DOCK4: variants seen among roughly 807,000 people sequenced by gnomAD.
DOCK4 encodes dedicator of cytokinesis 4.
In DOCK4, 97 loss-of-function variants were observed where a neutral mutation model predicts 268.1. The ratio of observed to expected loss-of-function variants is 0.36; its 90% CI spans 0.31 to 0.43. The LOEUF (loss-of-function observed/expected upper bound fraction) is 0.43, where lower values mean the gene tolerates loss of function less well. DOCK4 is among the 20% of genes least tolerant of loss of function. DOCK4 has a pLI of 1.00. For missense variants in DOCK4, 2,145 were observed against 2,455.7 expected, an observed-to-expected ratio of 0.87 and a Z score of 2.67; for synonymous variants, 954 against 887.2, an observed-to-expected ratio of 1.08 and a Z score of -1.34.
At chr7:111,879,205 T>G (rs1273817073) in intron 16 of DOCK4, among the ~76,000 whole-genome samples, 2 of 151,950 alleles carry the variant, frequency 1.3e-5, no homozygotes, top group Non-Finnish European at 2.9e-5. Flanking sequence ...AGATGACATT[T>G]CTACACCCAT....
chr7:112,051,080 C>T (rs1427069108), intron 1 of DOCK4, among the ~76,000 whole-genome samples: 2 of 151,946 alleles, frequency 1.3e-5, no homozygotes, highest in Non-Finnish European at 2.9e-5. Flanking sequence ...TATGTTAATA[C>T]TATATAATAC....
chr7:111,855,406 A>T (rs1178015295), intron 23 of DOCK4, among the ~76,000 whole-genome samples: 1 of 152,154 alleles, frequency 6.6e-6, no homozygotes, highest in African/African-American at 2.4e-5. Context: ...GGGAGAAGGA[A>T]TGACTCTGAG....
Position 111,732,307 on chromosome 7 carries a change from T to G in DOCK4, c.5420-20A>C, listed in dbSNP as rs778414161. On this transcript the variant is annotated intron_variant, in intron 51 of 52. Coordinates refer to ENST00000428084, the MANE Select transcript of DOCK4 (RefSeq NM_001363540.2). ...GTGAAGCTGTCAATGGGGAGAGAGA[T>G]AACATTTCAATTAAGAAAAACCAGA... The G allele has an allele frequency of 2.2e-5, 36 of 1,613,060 alleles. No homozygotes were observed. Among genetic ancestry groups the G allele is most frequent in the South Asian group, 1.3e-4 (12 of 91,014 alleles).
rs572323888 is a variant in DOCK4, at chr7:112,189,414, C to T, written c.37+16688G>A. 2.0e-5 allele frequency among the ~76,000 whole-genome samples: 3 copies of T among 152,262 alleles called. No individual in the cohort carries two copies. In the South Asian group the frequency reaches 6.2e-4, roughly 32 times the overall value. ...TCCAGTACTGACCGAAGATTTTCTACAACTGACCATTACATGGTGGCCAGA... is the reference window on the plus strand; with the variant it reads ...TCCAGTACTGACCGAAGATTTTCTATAACTGACCATTACATGGTGGCCAGA... On this transcript the variant is annotated intron_variant, in intron 1 of 52. Transcript: ENST00000428084.
At chr7:111,973,970 T>C (rs1797936088) in intron 8 of DOCK4, among the ~76,000 whole-genome samples, 1 of 152,192 alleles carries the variant, frequency 6.6e-6, no homozygotes, top group African/African-American at 2.4e-5. Context: ...CACAGTACTT[T>C]TTTCTGAGAA....
At position 111,742,222 on chromosome 7, in the gene DOCK4, C is replaced by T. The variant is rs551081604; in HGVS notation, c.4678-90G>A. 63 of 1,309,254 alleles carry T rather than the reference C, an allele frequency of 4.8e-5. No individual in the cohort carries two copies. In the South Asian group the frequency reaches 1.0e-3, roughly 21 times the overall value. 81.1% of individuals were successfully genotyped at this position (1,309,254 alleles called of 1,614,324 possible). A position where few individuals can be genotyped will look rare whatever the true frequency, so the allele number is the denominator to read the frequency against. ...GGGCCGAGCACTTTACTACGCATTT[C>T]GCTTGCATTATTGCTAATCCTCTGC... On this transcript the variant is annotated intron_variant, in intron 44 of 52. Coordinates refer to ENST00000428084, the MANE Select transcript of DOCK4 (RefSeq NM_001363540.2).
Position 111,940,200 on chromosome 7 carries a change from T to C in DOCK4, c.887A>G (p.Gln296Arg), listed in dbSNP as rs1795096375. Reference sequence around the variant, plus strand: ...TGCACAGCCAAAGGGTCGTCGGTACTGGACACTACAGGCATTCTTTTTTTC... The same window carrying C: ...TGCACAGCCAAAGGGTCGTCGGTACCGGACACTACAGGCATTCTTTTTTTC... ...AGEKKNACSV[Q>R]YRRPFGCAVL... The change falls in exon 11 of 53, where the codon CAG (glutamine) becomes CGG (arginine). Residue 296 changes from glutamine to arginine, a missense_variant. Physicochemically the swap from Gln to Arg is conservative, Grantham distance 43. Around this residue, in one of 2 missense-constraint regions of DOCK4, gnomAD observed 1,598 missense variants for 1,986.7 expected, o/e 0.80. Coordinates refer to ENST00000428084, the MANE Select transcript of DOCK4 (RefSeq NM_001363540.2). 2 of 1,613,948 alleles carry C rather than the reference T, an allele frequency of 1.2e-6. No individual in the cohort carries two copies. The highest frequency in any genetic ancestry group is 3.3e-5 in the Admixed American group (2 of 60,008).
intron 1 of DOCK4, among the ~76,000 whole-genome samples, chr7:112,186,571 G>A (rs1349720826): frequency 6.6e-6 from 1 of 152,160 alleles, no homozygotes; most frequent in Non-Finnish European, 1.5e-5. Context: ...TTCAGTAAAG[G>A]TTTACTATTA....
rs377170692 is a variant in DOCK4, at chr7:112,150,827, T to C, written c.37+55275A>G. 2.1e-4 allele frequency among the ~76,000 whole-genome samples: 32 copies of C among 152,280 alleles called. No individual in the cohort carries two copies. The East Asian group carries it at 2.1e-3, about 10-fold the overall frequency. On this transcript the variant is annotated intron_variant, in intron 1 of 52. Coordinates refer to ENST00000428084, the MANE Select transcript of DOCK4 (RefSeq NM_001363540.2). ...GGACTTCTATATATTCAGACACCAT[T>C]TCCTACCCACATTCTTGGGAACATC...
chr7:111,918,925 C>T (rs906552336), intron 12 of DOCK4, among the ~76,000 whole-genome samples: 1 of 152,056 alleles, frequency 6.6e-6, no homozygotes, highest in Non-Finnish European at 1.5e-5. Context: ...AATGAATGAT[C>T]TGATCAGAGA....
intron 1 of DOCK4, among the ~76,000 whole-genome samples, chr7:112,093,685 C>T (rs765395388): frequency 3.9e-5 from 6 of 151,988 alleles, no homozygotes; most frequent in Admixed American, 6.5e-5. Flanking sequence ...TATATCACCT[C>T]GAAAACTACT....
chr7:111,989,101 C>T lies in DOCK4; in HGVS notation c.378G>A (p.Arg126=), dbSNP rs1562965794. The T allele has an allele frequency of 3.7e-6, 6 of 1,614,020 alleles. No individual in the cohort carries two copies. Among genetic ancestry groups the T allele is most frequent in the Non-Finnish European group, 5.1e-6 (6 of 1,179,898 alleles). Residue 126 remains arginine, a synonymous_variant, in exon 6 of 53, where the codon AGG becomes AGA. Coordinates refer to ENST00000428084, the MANE Select transcript of DOCK4 (RefSeq NM_001363540.2). The part of the protein sequence containing the change: ...WHIMNEILDL[R]RQVLVGHLTH... The stretch of plus-strand genomic sequence containing the variant: ...TGAGGTGGCCCACCAGCACCTGCCG[C>T]CTCAGGTCCAGGATTTCATTCATGA...
chr7:111,926,618 C>T (rs1400991940), intron 12 of DOCK4, among the ~76,000 whole-genome samples: 3 of 148,718 alleles, frequency 2.0e-5, no homozygotes, highest in Admixed American at 6.7e-5. Context: ...GTCAGGAGAT[C>T]GAGACTATCC....
At chr7:111,811,462 C>T (rs1198240744) in intron 28 of DOCK4, among the ~76,000 whole-genome samples, 1 of 152,098 alleles carries the variant, frequency 6.6e-6, no homozygotes, top group Non-Finnish European at 1.5e-5. Context: ...CCTTAAAGAA[C>T]CTTACCAATG....
At chr7:112,045,140 T>C (rs7793681) in intron 1 of DOCK4, among the ~76,000 whole-genome samples, 39,432 of 152,110 alleles carry the variant, frequency 0.26, 10,366 homozygotes, top group African/African-American at 0.66. Flanking sequence ...TTCCTCATTC[T>C]ACTGGCTATT....
At chr7:111,955,967 C>T (rs182649679) in intron 8 of DOCK4, among the ~76,000 whole-genome samples, 1 of 152,114 alleles carries the variant, frequency 6.6e-6, no homozygotes, top group Non-Finnish European at 1.5e-5. Flanking sequence ...CTGGAGAACT[C>T]ATTAAGAATT....
intron 23 of DOCK4, among the ~76,000 whole-genome samples, chr7:111,860,315 C>T (rs374099624): frequency 6.6e-6 from 1 of 152,152 alleles, no homozygotes; most frequent in Non-Finnish European, 1.5e-5. Flanking sequence ...TACTCTGAGC[C>T]CTGGAAGGCT....
At chr7:111,773,417 C>A (rs1186074752) in intron 36 of DOCK4, among the ~76,000 whole-genome samples, 4 of 152,170 alleles carry the variant, frequency 2.6e-5, no homozygotes, top group Non-Finnish European at 4.4e-5. Flanking sequence ...AAAAGATTAA[C>A]CCAGTTTTGA....
intron 1 of DOCK4, among the ~76,000 whole-genome samples, chr7:112,031,407 C>T (rs992207363): frequency 4.6e-5 from 7 of 152,284 alleles, no homozygotes; most frequent in African/African-American, 1.7e-4. Context: ...CTTATCTTCA[C>T]AGTTTTCTTT....
Sources: allele counts gnomAD v4.1 joint callset (sites outside exome capture counted in the v4.1 genomes callset), GRCh38; gene constraint gnomAD v4.1.1; regional missense constraint gnomAD v4.1.1; transcripts MANE v1.5; gene names NCBI Gene and HGNC (gene_info 2026-07-23, HGNC 2026-07-21).